The following HECTD4 variants were observed in gnomAD, a reference collection of about 807,000 sequenced individuals.
HECTD4 encodes HECT domain E3 ubiquitin protein ligase 4, also known as probable E3 ubiquitin-protein ligase HECTD4.
Under a neutral mutation model 471.5 loss-of-function variants are expected in HECTD4, and 114 were observed. The ratio of observed to expected loss-of-function variants is 0.24; its 90% CI spans 0.21 to 0.28. The LOEUF (loss-of-function observed/expected upper bound fraction) is 0.28, where lower values mean the gene tolerates loss of function less well. Ranked by LOEUF, HECTD4 falls within the 10% of genes least tolerant of loss-of-function variation. HECTD4 has a pLI of 1.00. For synonymous variants in HECTD4, 2,012 were observed against 2,256.0 expected (o/e 0.89, Z 3.07); for missense variants, 3,866 against 5,651.5 (o/e 0.68, Z 10.13).
chr12:112,254,674 T>G lies in HECTD4; in HGVS notation c.3328-512A>C, dbSNP rs754490829. The stretch of plus-strand genomic sequence containing the variant: ...AAGAATTTTTAAAAATGCAACAAAT[T>G]GAAAATAAGCCATATATTCTTAGGA... On this transcript the variant is annotated intron_variant, in intron 21 of 75. Transcript: ENST00000682272. Among the ~76,000 whole-genome samples the G allele has an allele frequency of 8.5e-5, 13 of 152,174 alleles. 1 individual carries two copies. Among genetic ancestry groups the G allele is most frequent in the South Asian group, 2.1e-4 (1 of 4,814 alleles).
At chr12:112,379,715 TTTTATATA>T (rs2036854150) in intron 1 of HECTD4, among the ~76,000 whole-genome samples, 2 of 135,790 alleles carry the variant, frequency 1.5e-5, no homozygotes, top group Non-Finnish European at 3.2e-5. Flanking sequence ...TAAAAAGATT[TTTTATATA>T]TATATATATA....
intron 20 of HECTD4, 21 bp from the exon 21 acceptor site, chr12:112,256,539 T>C: frequency 1.3e-6 from 2 of 1,482,560 alleles, no homozygotes; most frequent in Non-Finnish European, 1.8e-6. Context: ...AAAGAGAAAG[T>C]GATTTAGCTT....
Position 112,232,991 on chromosome 12 carries a change from C to T in HECTD4, c.5997+13G>A, listed in dbSNP as rs1472421366. ...CAATTTCGGGTTTCATCGTTTTAAC[C>T]TCATGAGGTTACCTTGGTCATGTCT... On this transcript the variant is annotated intron_variant, in intron 38 of 75. Transcript: ENST00000682272. The T allele has an allele frequency of 6.2e-7, 1 of 1,602,832 alleles. No individual in the cohort carries two copies.
intron 29 of HECTD4, among the ~76,000 whole-genome samples, chr12:112,245,675 T>C (rs1296018213): frequency 6.6e-6 from 1 of 152,236 alleles, no homozygotes; most frequent in Non-Finnish European, 1.5e-5. Flanking sequence ...CACTGGGCAA[T>C]GGGGCTACGT....
At chr12:112,364,732 A>T (rs901705601) in intron 1 of HECTD4, among the ~76,000 whole-genome samples, 1 of 152,216 alleles carries the variant, frequency 6.6e-6, no homozygotes, top group African/African-American at 2.4e-5. Context: ...ACCCTGTCTC[A>T]ATAAAAAAAT....
Position 112,161,114 on chromosome 12 carries a change from C to G in HECTD4, c.*1273G>C, listed in dbSNP as rs1566054999. On this transcript the variant is annotated 3_prime_UTR_variant, in exon 76 of 76. Coordinates refer to ENST00000682272, the MANE Select transcript of HECTD4 (RefSeq NM_001388303.1). ...TCTAGACAGCACTCACTCAAAACTT[C>G]CAATATTCACAATATTATACAATAA... 6.6e-6 allele frequency: 1 copy of G among 152,220 alleles called. No homozygotes were observed. Among genetic ancestry groups the G allele is most frequent in the Admixed American group, 6.5e-5 (1 of 15,280 alleles). The allele number at this position is 152,220 out of a possible 1,614,324, so 9.4% of individuals were successfully genotyped here. A position where few individuals can be genotyped will look rare whatever the true frequency, so the allele number is the denominator to read the frequency against.
intron 25 of HECTD4, chr12:112,249,930 G>A: frequency 1.8e-6 from 1 of 564,456 alleles, no homozygotes; most frequent in Non-Finnish European, 3.2e-6. Flanking sequence ...GTTCCCAAGT[G>A]ATGCCAATGC....
intron 52 of HECTD4, among the ~76,000 whole-genome samples, chr12:112,205,508 C>T (rs773198404): frequency 3.3e-5 from 5 of 152,206 alleles, no homozygotes; most frequent in Non-Finnish European, 7.3e-5. Context: ...CATTATTTTG[C>T]AGTTATTTCA....
At chr12:112,196,135 G>A (rs2032234297) in intron 55 of HECTD4, among the ~76,000 whole-genome samples, 1 of 152,190 alleles carries the variant, frequency 6.6e-6, no homozygotes, top group African/African-American at 2.4e-5. Flanking sequence ...GCAAGACTCT[G>A]TTTCTAAAAC....
Position 112,173,369 on chromosome 12 carries a change from T to G in HECTD4, c.11595-508A>C, listed in dbSNP as rs2137010354. The stretch of plus-strand genomic sequence containing the variant: ...CTTTGCTTGCCTAATTTTAAAATTT[T>G]AATTTTTTAATTTTTTTATTTTTAT... On this transcript the variant is annotated intron_variant, in intron 66 of 75. Coordinates refer to ENST00000682272, the MANE Select transcript of HECTD4 (RefSeq NM_001388303.1). This position sits in a 1 kb window ranked among gnomAD's most constrained non-coding sequence, Gnocchi z 4.3. Among the ~76,000 whole-genome samples the G allele has an allele frequency of 1.3e-5, 2 of 152,076 alleles. No individual in the cohort carries two copies. The highest frequency in any genetic ancestry group is 4.2e-4 in the South Asian group (2 of 4,818).
intron 13 of HECTD4, among the ~76,000 whole-genome samples, chr12:112,267,897 T>G (rs1029275737): frequency 6.6e-6 from 1 of 152,156 alleles, no homozygotes; most frequent in Non-Finnish European, 1.5e-5. Flanking sequence ...CTCAGCTCAT[T>G]GCAGCCTTGA....
chr12:112,208,358 A>G, intron 51 of HECTD4, 136 bp downstream of exon 51: 3 of 887,564 alleles, frequency 3.4e-6, no homozygotes, highest in Non-Finnish European at 4.9e-6. Context: ...TCACTGTTCA[A>G]GCACAATGAT....
intron 7 of HECTD4, among the ~76,000 whole-genome samples, chr12:112,304,779 G>T (rs755354710): frequency 9.2e-5 from 14 of 152,112 alleles, no homozygotes; most frequent in Non-Finnish European, 1.8e-4. Context: ...GTAAGATAAT[G>T]GTTAGAGGAC....
At chr12:112,175,500 G>A (rs925309702) in intron 66 of HECTD4, among the ~76,000 whole-genome samples, 1 of 152,214 alleles carries the variant, frequency 6.6e-6, no homozygotes, top group African/African-American at 2.4e-5. Flanking sequence ...GTCCTGTCAC[G>A]GCAGCCCAAG....
In HECTD4 at chr12:112,367,839, A is replaced by C. The variant is rs867352626; in HGVS notation, c.177+14113T>G. 4.7e-4 allele frequency among the ~76,000 whole-genome samples: 71 copies of C among 150,154 alleles called. 1 individual carries two copies. Among genetic ancestry groups the C allele is most frequent in the African/African-American group, 1.4e-3 (57 of 41,124 alleles). On this transcript the variant is annotated intron_variant, in intron 1 of 75. Transcript: ENST00000682272. ...CCATCTCAAAAAAAAAAAAAAAAAA[A>C]AAAAAAAAACGCTAACACGTCATAG... is the stretch of plus-strand genomic sequence containing the variant.
At chr12:112,288,250 C>G (rs972885618) in intron 7 of HECTD4, among the ~76,000 whole-genome samples, 2 of 149,196 alleles carry the variant, frequency 1.3e-5, no homozygotes, top group African/African-American at 5.0e-5. Flanking sequence ...ACCCAGGAGG[C>G]AGAGGTTGCA....
At chr12:112,264,319 T>C in intron 16 of HECTD4, 107 bp from the exon 17 acceptor site, 2 of 1,127,572 alleles carry the variant, frequency 1.8e-6, no homozygotes. Flanking sequence ...AAAAGAGAAA[T>C]AAAAAAAACA....
chr12:112,164,085 C>A (rs1242453905), intron 73 of HECTD4, 24 bp downstream of exon 73: 1 of 1,426,536 alleles, frequency 7.0e-7, no homozygotes. Context: ...CCCCTGCCAG[C>A]CCCTGACACG....
chr12:112,370,665 A>G (rs1449643885), intron 1 of HECTD4, among the ~76,000 whole-genome samples: 1 of 152,200 alleles, frequency 6.6e-6, no homozygotes, highest in African/African-American at 2.4e-5. Flanking sequence ...AATTTTCACT[A>G]ATTTAGCCAG....
Sources: allele counts gnomAD v4.1 joint callset (sites outside exome capture counted in the v4.1 genomes callset), GRCh38; gene constraint gnomAD v4.1.1; non-coding constraint Gnocchi (gnomAD v3.1); transcripts MANE v1.5; gene names NCBI Gene and HGNC (gene_info 2026-07-23, HGNC 2026-07-21).